Variants in PPP4R1 observed in about 807,000 individuals in gnomAD.
The protein encoded by PPP4R1 is protein phosphatase 4 regulatory subunit 1, also known as serine/threonine-protein phosphatase 4 regulatory subunit 1.
In PPP4R1, 42 loss-of-function variants were observed where a neutral mutation model predicts 111.2. The observed-to-expected ratio is 0.38, with a 90% CI of 0.29 to 0.49. The LOEUF is 0.49. PPP4R1 is among the 20% of genes least tolerant of loss of function. The probability of loss-of-function intolerance (pLI) is 0.97; values close to 1 mark genes in which losing one functional copy is unlikely to be tolerated. For synonymous variants in PPP4R1, 409 were observed against 405.5 expected, an observed-to-expected ratio of 1.01 and a Z score of -0.10; for missense variants, 1,012 against 1,161.6, an observed-to-expected ratio of 0.87 and a Z score of 1.87.
chr18:9,594,918 TTAA>T (rs1357665327), intron 3 of PPP4R1, 97 bp downstream of exon 3: 3 of 1,396,868 alleles, frequency 2.1e-6, no homozygotes, highest in South Asian at 2.8e-5. Flanking sequence ...ATTGTGCCTG[TTAA>T]TAATACCTCC....
At chr18:9,600,892 A>C (rs944021762) in intron 2 of PPP4R1, among the ~76,000 whole-genome samples, 5 of 152,170 alleles carry the variant, frequency 3.3e-5, no homozygotes, top group Non-Finnish European at 7.4e-5. Flanking sequence ...AAAAGAAAAA[A>C]GAAAAAAAGC....
At chr18:9,574,837 A>T (rs2066913491) in intron 10 of PPP4R1, among the ~76,000 whole-genome samples, 1 of 152,272 alleles carries the variant, frequency 6.6e-6, no homozygotes, top group Non-Finnish European at 1.5e-5. Context: ...ATGGAACAAG[A>T]AGCTTCCCAG....
At chr18:9,592,669 A>G (rs908762403) in intron 4 of PPP4R1, among the ~76,000 whole-genome samples, 1 of 144,772 alleles carries the variant, frequency 6.9e-6, no homozygotes, top group African/African-American at 2.7e-5. Context: ...ACACACACAC[A>G]CTTACAAAAA....
chr18:9,590,601 C>T (rs979000382), intron 4 of PPP4R1, among the ~76,000 whole-genome samples: 1 of 152,052 alleles, frequency 6.6e-6, no homozygotes, highest in Non-Finnish European at 1.5e-5. Flanking sequence ...AGCCCAGAAA[C>T]AGACGCATGC....
intron 15 of PPP4R1, among the ~76,000 whole-genome samples, chr18:9,556,138 T>C (rs1365151886): frequency 4.7e-5 from 7 of 148,386 alleles, no homozygotes; most frequent in East Asian, 4.1e-4. Flanking sequence ...TCCAGCCTTG[T>C]GACAGAGCGA....
At position 9,547,684 on chromosome 18, in the gene PPP4R1, G is replaced by A. The variant is rs1272017380; in HGVS notation, c.*105C>T. 2 of 1,372,482 alleles carry A rather than the reference G, an allele frequency of 1.5e-6. No individual in the cohort carries two copies. The highest frequency in any genetic ancestry group is 2.0e-6 in the Non-Finnish European group (2 of 988,986). 85.0% of individuals were successfully genotyped at this position (1,372,482 alleles called of 1,614,324 possible). On this transcript the variant is annotated 3_prime_UTR_variant, in exon 20 of 20. Coordinates refer to ENST00000400556, the MANE Select transcript of PPP4R1 (RefSeq NM_001042388.3). Reference sequence around the variant, plus strand: ...ACCTGCAATGAAGTCCGCAGGAGAGGAAGGTCTCTCCTCCCCCGAAAGCTA... The same window carrying A: ...ACCTGCAATGAAGTCCGCAGGAGAGAAAGGTCTCTCCTCCCCCGAAAGCTA...
At chr18:9,566,154 A>C (rs2145083467) in intron 11 of PPP4R1, among the ~76,000 whole-genome samples, 1 of 151,652 alleles carries the variant, frequency 6.6e-6, no homozygotes, top group East Asian at 2.0e-4. Flanking sequence ...CAGATGATCC[A>C]CCCACCTCGG....
intron 2 of PPP4R1, among the ~76,000 whole-genome samples, chr18:9,610,146 G>GT (rs1373643929): frequency 1.3e-5 from 2 of 152,120 alleles, no homozygotes; most frequent in African/African-American, 4.8e-5. Flanking sequence ...AATCTTAACC[G>GT]TATCTTAGTC....
At position 9,560,834 on chromosome 18, in the gene PPP4R1, C is replaced by T. The variant is rs372050689; in HGVS notation, c.1842+1146G>A. ...CTGTGATCTCGCCACTGCACTCCAG[C>T]CTGGGTGACAGAGCGGAGACCCCAT... On this transcript the variant is annotated intron_variant, in intron 13 of 19. Coordinates refer to ENST00000400556, the MANE Select transcript of PPP4R1 (RefSeq NM_001042388.3). 1.1e-3 allele frequency among the ~76,000 whole-genome samples: 170 copies of T among 151,926 alleles called. 4 individuals are homozygous for T. The South Asian group carries it at 0.031, about 28-fold the overall frequency.
At chr18:9,576,706 AGTGT>A (rs2066940941) in intron 10 of PPP4R1, among the ~76,000 whole-genome samples, 1 of 151,970 alleles carries the variant, frequency 6.6e-6, no homozygotes, top group Non-Finnish European at 1.5e-5. Flanking sequence ...AATACTACAC[AGTGT>A]GTAACAATTA....
At chr18:9,600,800 G>T (rs369203838) in intron 2 of PPP4R1, among the ~76,000 whole-genome samples, 1 of 152,184 alleles carries the variant, frequency 6.6e-6, no homozygotes, top group African/African-American at 2.4e-5. Context: ...GGGATCACTT[G>T]AGTACGGGAG....
chr18:9,600,578 A>G (rs1284672133), intron 2 of PPP4R1, among the ~76,000 whole-genome samples: 1 of 152,222 alleles, frequency 6.6e-6, no homozygotes, highest in Non-Finnish European at 1.5e-5. Flanking sequence ...AATAGTAAGC[A>G]TAAGAAAGCT....
chr18:9,558,737 A>G (rs1419206074), intron 14 of PPP4R1, among the ~76,000 whole-genome samples: 6 of 149,338 alleles, frequency 4.0e-5, no homozygotes, highest in African/African-American at 9.9e-5. Flanking sequence ...GATCAACTTC[A>G]CTGAAGGAAC....
rs1246514902 is a variant in PPP4R1, at chr18:9,550,061, A to G, written c.2538T>C (p.Phe846=). 1 of 1,614,226 alleles carries G rather than the reference A, an allele frequency of 6.2e-7. No individual in the cohort carries two copies. The highest frequency in any genetic ancestry group is 2.2e-5 in the East Asian group (1 of 44,894). The change falls in exon 18 of 20, where the codon TTT becomes TTC. Residue 846 remains phenylalanine, a synonymous_variant. Coordinates refer to ENST00000400556, the MANE Select transcript of PPP4R1 (RefSeq NM_001042388.3). ...PKWSGRQAFV[F]VCQTVIEDDC... is the part of the protein sequence containing the mutation. ...CCAGGGCCTCGCTTACCTGGCAGAC[A>G]AAGACAAAGGCTTGCCGACCAGACC...
intron 15 of PPP4R1, among the ~76,000 whole-genome samples, chr18:9,555,950 C>A (rs573997825): frequency 2.0e-5 from 3 of 150,666 alleles, no homozygotes; most frequent in Non-Finnish European, 4.4e-5. Flanking sequence ...TCCTGGCCAA[C>A]ACGGTGAAAC....
At chr18:9,588,939 A>G (rs1364021064) in intron 4 of PPP4R1, 86 bp from the exon 5 acceptor site, 1 of 1,474,702 alleles carries the variant, frequency 6.8e-7, no homozygotes, top group East Asian at 2.3e-5. Context: ...TAGGAAGGCT[A>G]TGGACTTTCA....
At chr18:9,580,737 C>G (rs535682460) in intron 9 of PPP4R1, among the ~76,000 whole-genome samples, 15 of 152,322 alleles carry the variant, frequency 9.8e-5, no homozygotes, top group African/African-American at 2.6e-4. Context: ...TGCTCTCCCG[C>G]AGCTCCCGGG....
chr18:9,580,379 T>C (rs186138522), intron 9 of PPP4R1, among the ~76,000 whole-genome samples: 21 of 150,484 alleles, frequency 1.4e-4, no homozygotes, highest in Admixed American at 5.3e-4. Flanking sequence ...AGACAGAGTC[T>C]CGCTCTATTG....
At position 9,550,166 on chromosome 18, in the gene PPP4R1, C is replaced by T; in HGVS notation, c.2433G>A (p.Lys811=). Residue 811 remains lysine, a synonymous_variant, in exon 18 of 20, where the codon AAG becomes AAA. Transcript: ENST00000400556. ...ACGTTGGTGGTGTTGCCGCGTGCAG[C>T]TTCTTCACCATCTCGCTGACCTGGG... The part of the protein sequence containing the change: ...SYKLVSEMVK[K]LHAATPPTFG... The T allele has an allele frequency of 6.2e-7, 1 of 1,614,218 alleles. No homozygotes were observed. The highest frequency in any genetic ancestry group is 8.5e-7 in the Non-Finnish European group (1 of 1,180,050).
Sources: gnomAD v4.1 joint callset for allele counts (sites outside exome capture counted in the v4.1 genomes callset) on GRCh38, gnomAD v4.1.1 for gene constraint, MANE v1.5 for transcripts, NCBI Gene and HGNC (gene_info 2026-07-23, HGNC 2026-07-21) for gene names.